The following CDH20 variants were observed in gnomAD, a reference collection of about 807,000 sequenced individuals.
The protein encoded by CDH20 is cadherin-20.
CDH20 carries 29 observed loss-of-function variants against 74.2 expected under a neutral mutation model. That is an observed-to-expected ratio of 0.39 (90% confidence interval 0.29 to 0.53). CDH20 has a LOEUF of 0.53. CDH20 is among the 20% of genes least tolerant of loss of function. The probability of loss-of-function intolerance (pLI) is 0.69; values close to 1 mark genes in which losing one functional copy is unlikely to be tolerated. For missense variants in CDH20, 988 were observed against 1,048.3 expected (o/e 0.94, Z 0.79); for synonymous variants, 469 against 405.4 (o/e 1.16, Z -1.88).
chr18:61,447,899 C>G (rs935119632), intron 1 of CDH20, among the ~76,000 whole-genome samples: 2 of 152,176 alleles, frequency 1.3e-5, no homozygotes, highest in Non-Finnish European at 2.9e-5. Flanking sequence ...CCTGCCACTG[C>G]AACAGATGTC....
intron 1 of CDH20, among the ~76,000 whole-genome samples, chr18:61,465,883 C>A (rs561563718): frequency 2.0e-5 from 3 of 151,622 alleles, no homozygotes; most frequent in Admixed American, 2.0e-4. Context: ...CCTGGAGGAA[C>A]CATGTCTCTA....
chr18:61,338,415 G>T (rs933177935), intron 1 of CDH20, among the ~76,000 whole-genome samples: 3 of 151,918 alleles, frequency 2.0e-5, no homozygotes, highest in African/African-American at 7.3e-5. Context: ...ATTACATATG[G>T]ATTAACTTAA....
At chr18:61,344,167 T>C (rs531305289) in intron 1 of CDH20, among the ~76,000 whole-genome samples, 1 of 152,256 alleles carries the variant, frequency 6.6e-6, no homozygotes, top group African/African-American at 2.4e-5. Flanking sequence ...GAGGGGTAAA[T>C]TAGAGAGAAT....
At chr18:61,431,750 C>T (rs891633245) in intron 1 of CDH20, among the ~76,000 whole-genome samples, 6 of 152,064 alleles carry the variant, frequency 3.9e-5, no homozygotes, top group African/African-American at 7.2e-5. Flanking sequence ...TGATGATTAG[C>T]GAGGCTGAGC....
chr18:61,433,599 CTCTTCACCCATATGTACAT>C (rs1450531708), intron 1 of CDH20, among the ~76,000 whole-genome samples: 1 of 152,100 alleles, frequency 6.6e-6, no homozygotes, highest in Non-Finnish European at 1.5e-5. Flanking sequence ...TAAACACCAG[CTCTTCACCCATATGTACAT>C]TCTGGGTCAC....
chr18:61,454,126 T>C (rs1186461178), intron 1 of CDH20, among the ~76,000 whole-genome samples: 2 of 152,202 alleles, frequency 1.3e-5, no homozygotes, highest in African/African-American at 4.8e-5. Flanking sequence ...CGTTTCTTCA[T>C]GTCTTTTACC....
intron 1 of CDH20, among the ~76,000 whole-genome samples, chr18:61,425,841 AC>A (rs1434844150): frequency 6.6e-6 from 1 of 152,208 alleles, no homozygotes; most frequent in Non-Finnish European, 1.5e-5. Flanking sequence ...TTCCCCAAAA[AC>A]TATTGAAATA....
At chr18:61,543,920 G>A (rs1341739877) in intron 9 of CDH20, among the ~76,000 whole-genome samples, 1 of 152,204 alleles carries the variant, frequency 6.6e-6, no homozygotes, top group African/African-American at 2.4e-5. Flanking sequence ...GGTCAAGCAG[G>A]ACTTTGTGGC....
intron 1 of CDH20, among the ~76,000 whole-genome samples, chr18:61,428,243 C>T (rs1190859716): frequency 6.6e-6 from 1 of 152,118 alleles, no homozygotes; most frequent in Non-Finnish European, 1.5e-5. Context: ...AAAATGGAAT[C>T]TGCAATCAAG....
chr18:61,375,174 A>G (rs1421360807), intron 1 of CDH20, among the ~76,000 whole-genome samples: 2 of 152,162 alleles, frequency 1.3e-5, no homozygotes, highest in African/African-American at 4.8e-5. Context: ...TCCACACTGG[A>G]CCAGTCACTT....
intron 1 of CDH20, among the ~76,000 whole-genome samples, chr18:61,342,256 A>G (rs1311976036): frequency 6.6e-6 from 1 of 152,218 alleles, no homozygotes; most frequent in Non-Finnish European, 1.5e-5. Context: ...AAATAAATAA[A>G]TAAATAACCG....
intron 11 of CDH20, among the ~76,000 whole-genome samples, chr18:61,552,386 TAATTA>T (rs1913466674): frequency 6.6e-6 from 1 of 151,976 alleles, no homozygotes; most frequent in South Asian, 2.1e-4. Context: ...GTTATTTACC[TAATTA>T]GATTACCTTA....
chr18:61,532,799 A>C (rs1270644932), intron 7 of CDH20, among the ~76,000 whole-genome samples: 1 of 152,188 alleles, frequency 6.6e-6, no homozygotes, highest in Non-Finnish European at 1.5e-5. Context: ...TAAGATATGG[A>C]TTACAGTTGC....
chr18:61,376,992 C>T (rs374135101), intron 1 of CDH20, among the ~76,000 whole-genome samples: 10 of 152,082 alleles, frequency 6.6e-5, no homozygotes, highest in East Asian at 1.9e-4. Context: ...TTAGCTGATA[C>T]GACCAGAAAA....
chr18:61,536,433 T>G (rs1912819351), intron 7 of CDH20, 60 bp from the exon 8 acceptor site: 12 of 1,415,346 alleles, frequency 8.5e-6, no homozygotes, highest in Admixed American at 1.7e-5. Flanking sequence ...TTGTCTCATG[T>G]GGTATGCTGT....
intron 1 of CDH20, among the ~76,000 whole-genome samples, chr18:61,363,279 C>A (rs1910758712): frequency 6.6e-6 from 1 of 152,150 alleles, no homozygotes; most frequent in Non-Finnish European, 1.5e-5. Flanking sequence ...GTATATTGTG[C>A]AGGTTGTTTA....
chr18:61,547,554 A>G (rs372626939), intron 10 of CDH20, among the ~76,000 whole-genome samples: 167 of 152,300 alleles, frequency 1.1e-3, no homozygotes, highest in Non-Finnish European at 1.6e-3. Flanking sequence ...GATATTTACA[A>G]TAATTCTGTG....
chr18:61,367,522 C>T (rs1910901021), intron 1 of CDH20, among the ~76,000 whole-genome samples: 1 of 152,120 alleles, frequency 6.6e-6, no homozygotes, highest in Non-Finnish European at 1.5e-5. Context: ...TTCTGGAGGT[C>T]CTGTGGGAGA....
chr18:61,381,370 G>A (rs561570001), intron 1 of CDH20, among the ~76,000 whole-genome samples: 244 of 152,272 alleles, frequency 1.6e-3, no homozygotes, highest in Non-Finnish European at 2.7e-3. Context: ...TTTGGGCAAG[G>A]AATAATACAA....
Sources: allele counts gnomAD v4.1 joint callset (sites outside exome capture counted in the v4.1 genomes callset), GRCh38; gene constraint gnomAD v4.1.1; transcripts MANE v1.5; gene names NCBI Gene and HGNC (gene_info 2026-07-23, HGNC 2026-07-21).